The following STK32C variants were observed in gnomAD, a reference collection of about 807,000 sequenced individuals.
The protein encoded by STK32C is serine/threonine-protein kinase 32C.
STK32C carries 31 observed loss-of-function variants against 56.5 expected under a neutral mutation model. That is an observed-to-expected ratio of 0.55 (90% CI 0.41 to 0.74). The LOEUF (loss-of-function observed/expected upper bound fraction) is 0.74, where lower values mean the gene tolerates loss of function less well. Ranked by LOEUF, STK32C falls within the 30% of genes least tolerant of loss-of-function variation. The pLI is 0.00. For synonymous variants in STK32C, 309 were observed against 289.4 expected (o/e 1.07, Z -0.69); for missense variants, 544 against 676.9 (o/e 0.80, Z 2.18).
At chr10:132,227,046 C>T (rs1051690058) in intron 3 of STK32C, 78 bp from the exon 4 acceptor site, 71 of 1,509,152 alleles carry the variant, frequency 4.7e-5, no homozygotes, top group Non-Finnish European at 6.3e-5. Flanking sequence ...TGACACACTC[C>T]CCCTAAGGAC....
At chr10:132,241,213 C>G (rs4525146) in intron 2 of STK32C, among the ~76,000 whole-genome samples, 22,043 of 152,200 alleles carry the variant, frequency 0.14, 1,794 homozygotes, top group East Asian at 0.25. Flanking sequence ...GCCCAGCCCA[C>G]CCAACTCCTC....
intron 2 of STK32C, among the ~76,000 whole-genome samples, chr10:132,234,977 G>A (rs988903685): frequency 1.3e-5 from 2 of 152,214 alleles, no homozygotes; most frequent in African/African-American, 2.4e-5. Flanking sequence ...CCAGACACAC[G>A]GTTGGGGAAG....
downstream of STK32C, among the ~76,000 whole-genome samples, chr10:132,319,898 T>A (rs1345111028): frequency 6.6e-6 from 1 of 152,140 alleles, no homozygotes; most frequent in African/African-American, 2.4e-5. Flanking sequence ...ATGGATTTTT[T>A]TTTTTTTGAG....
intron 1 of STK32C, among the ~76,000 whole-genome samples, chr10:132,317,926 C>G (rs1344669940): frequency 1.4e-5 from 2 of 143,244 alleles, no homozygotes; most frequent in Non-Finnish European, 3.0e-5. Context: ...TGCAGTGAAC[C>G]GAGATCACAC....
chr10:132,234,149 C>T (rs368099551), intron 2 of STK32C, among the ~76,000 whole-genome samples: 1 of 152,186 alleles, frequency 6.6e-6, no homozygotes, highest in Non-Finnish European at 1.5e-5. Flanking sequence ...TAACACCTTG[C>T]CTGGCTACTC....
chr10:132,209,075 G>A lies in STK32C; in HGVS notation c.1278C>T (p.Leu426=), dbSNP rs150156301. 3.4e-5 allele frequency: 55 copies of A among 1,613,838 alleles called. No homozygotes were observed. The highest frequency in any genetic ancestry group is 3.3e-4 in the East Asian group (15 of 44,878). The change falls in exon 11 of 12, where the codon CTC becomes CTT. Residue 426 remains leucine (L), a synonymous_variant. Coordinates refer to ENST00000298630, the MANE Select transcript of STK32C (RefSeq NM_173575.4). ...QSENDYLQDC[L]DAIQQDFVIF... ...TCACGAAGTCTTGCTGGATGGCATC[G>A]AGGCAGTCTTGAAGATAGTCATTCT...
intron 1 of STK32C, among the ~76,000 whole-genome samples, chr10:132,282,212 A>G (rs1171179420): frequency 6.6e-6 from 1 of 152,158 alleles, no homozygotes; most frequent in Admixed American, 6.5e-5. Context: ...ACCAGCCCGC[A>G]CCACGCCCGA....
intron 10 of STK32C, among the ~76,000 whole-genome samples, chr10:132,214,835 T>C (rs2062420377): frequency 6.6e-6 from 1 of 152,142 alleles, no homozygotes; most frequent in Non-Finnish European, 1.5e-5. Flanking sequence ...TACTGCAATG[T>C]CCAGGCCAAC....
intron 11 of STK32C, 102 bp downstream of exon 11, chr10:132,208,932 C>T (rs1051763134): frequency 1.8e-6 from 2 of 1,121,840 alleles, no homozygotes; most frequent in Non-Finnish European, 2.6e-6. Context: ...GGCCACGCAC[C>T]CCAGGCCCAC....
intron 2 of STK32C, among the ~76,000 whole-genome samples, chr10:132,235,346 A>G (rs1415053669): frequency 6.6e-6 from 1 of 152,066 alleles, no homozygotes; most frequent in African/African-American, 2.4e-5. Context: ...AATACAAAAA[A>G]TTAGCTGGGT....
chr10:132,242,477 C>G (rs946591362), intron 2 of STK32C, among the ~76,000 whole-genome samples: 3 of 152,132 alleles, frequency 2.0e-5, no homozygotes, highest in Non-Finnish European at 4.4e-5. Context: ...ACAGACACTC[C>G]AAGAGGAACT....
chr10:132,227,019 A>G, intron 3 of STK32C, 51 bp from the exon 4 acceptor site: 1 of 1,593,784 alleles, frequency 6.3e-7, no homozygotes, highest in African/African-American at 1.3e-5. Context: ...GGAGCCAGTC[A>G]TGGCTGCTCC....
At chr10:132,219,754 C>A (rs912036893) in intron 10 of STK32C, among the ~76,000 whole-genome samples, 1 of 152,144 alleles carries the variant, frequency 6.6e-6, no homozygotes, top group Admixed American at 6.5e-5. Context: ...GGCCGTGTTC[C>A]CCCCAAAATC....
At chr10:132,248,265 G>A (rs551610030) in intron 1 of STK32C, among the ~76,000 whole-genome samples, 1 of 152,300 alleles carries the variant, frequency 6.6e-6, no homozygotes, top group East Asian at 1.9e-4. Flanking sequence ...CTGAACTAGT[G>A]GAGGGAGGAG....
intron 1 of STK32C, among the ~76,000 whole-genome samples, chr10:132,300,509 A>T (rs2065882048): frequency 6.6e-6 from 1 of 152,240 alleles, no homozygotes; most frequent in South Asian, 2.1e-4. Flanking sequence ...AGCAGCCTTG[A>T]TTTTTAAAAC....
intron 1 of STK32C, among the ~76,000 whole-genome samples, chr10:132,281,204 C>T (rs2065194265): frequency 6.6e-6 from 1 of 151,016 alleles, no homozygotes; most frequent in South Asian, 2.1e-4. Flanking sequence ...CACACACACA[C>T]ACACACACAG....
In STK32C at chr10:132,307,454, G is replaced by C; in HGVS notation, c.262+118C>G. On this transcript the variant is annotated intron_variant, in intron 1 of 11. Coordinates refer to ENST00000298630, the MANE Select transcript of STK32C (RefSeq NM_173575.4). The surrounding 1 kb of genome is among the most constrained non-coding windows in gnomAD (Gnocchi z 4.4). Reference sequence around the variant, plus strand: ...CCGGCGCGAGCTTCTCCGGAAGCCGGGGCGCCCCGGGAAGCCGTCCCGGAC... The same window carrying C: ...CCGGCGCGAGCTTCTCCGGAAGCCGCGGCGCCCCGGGAAGCCGTCCCGGAC... 1 of 1,184,812 alleles carries C rather than the reference G, an allele frequency of 8.4e-7. No homozygotes were observed. The highest frequency in any genetic ancestry group is 3.1e-4 in the Middle Eastern group (1 of 3,176). 73.4% of individuals were successfully genotyped at this position (1,184,812 alleles called of 1,614,324 possible). A position where few individuals can be genotyped will look rare whatever the true frequency, so the allele number is the denominator to read the frequency against.
At chr10:132,267,203 G>T (rs1485692002) in intron 1 of STK32C, among the ~76,000 whole-genome samples, 1 of 152,248 alleles carries the variant, frequency 6.6e-6, no homozygotes, top group Non-Finnish European at 1.5e-5. Flanking sequence ...CCCTTTAGAA[G>T]CAGCAAGCCC....
In STK32C at chr10:132,292,414, A is replaced by T. The variant is rs1368777926; in HGVS notation, c.262+15158T>A. Among the ~76,000 whole-genome samples, 3 of 152,264 alleles carry T rather than the reference A, an allele frequency of 2.0e-5. No individual in the cohort carries two copies. The East Asian group carries it at 5.8e-4, about 29-fold the overall frequency. Reference sequence around the variant, plus strand: ...TACCCACACTCTCTCACCCAGTCACACACTCATCCACACTCAGTCTGACGG... The same window carrying T: ...TACCCACACTCTCTCACCCAGTCACTCACTCATCCACACTCAGTCTGACGG... On this transcript the variant is annotated intron_variant, in intron 1 of 11. Coordinates refer to ENST00000298630, the MANE Select transcript of STK32C (RefSeq NM_173575.4).
Sources: gnomAD v4.1 joint callset for allele counts (sites outside exome capture counted in the v4.1 genomes callset) on GRCh38, gnomAD v4.1.1 for gene constraint, Gnocchi (gnomAD v3.1) non-coding constraint, MANE v1.5 for transcripts, NCBI Gene and HGNC (gene_info 2026-07-23, HGNC 2026-07-21) for gene names.